Variants in DCAF8L2 observed in about 807,000 individuals in gnomAD.
DCAF8L2 encodes DDB1 and CUL4 associated factor 8 like 2.
For synonymous variants in DCAF8L2, 200 were observed against 190.9 expected, an observed-to-expected ratio of 1.05 and a Z score of -0.39; for missense variants, 430 against 490.7, an observed-to-expected ratio of 0.88 and a Z score of 1.17.
At chrX:27,516,780 T>C in the DCAF8L2 span, among the ~76,000 whole-genome samples, 1 of 112,030 alleles carries the variant, frequency 8.9e-6, no homozygotes, top group African/African-American at 3.2e-5. Context: ...AGAGGTGTAG[T>C]AGTGAGGTAG....
At chrX:27,651,247 T>C (rs1929137081) in intron 2 of DCAF8L2, among the ~76,000 whole-genome samples, 1 of 111,419 alleles carries the variant, frequency 9.0e-6, no homozygotes, top group African/African-American at 3.3e-5. Flanking sequence ...GCTATTGGCC[T>C]GTAGTTTTCC....
intron 1 of DCAF8L2, among the ~76,000 whole-genome samples, chrX:27,599,841 A>G (rs149731849): frequency 0.019 from 2,130 of 112,183 alleles, 20 homozygotes; most frequent in Non-Finnish European, 0.031. Flanking sequence ...CTACAATGAA[A>G]CTATAAACAA....
At chrX:27,548,008 T>C in the DCAF8L2 span, among the ~76,000 whole-genome samples, 1 of 108,772 alleles carries the variant, frequency 9.2e-6, no homozygotes, top group Non-Finnish European at 1.9e-5. Flanking sequence ...GTACAGCCTG[T>C]GGAGCTGTGA....
chrX:27,570,097 G>T, the DCAF8L2 span, among the ~76,000 whole-genome samples: 1 of 110,970 alleles, frequency 9.0e-6, no homozygotes, highest in Non-Finnish European at 1.9e-5. Flanking sequence ...GGAAAAACAG[G>T]TATGCTCAGT....
intron 3 of DCAF8L2, among the ~76,000 whole-genome samples, chrX:27,689,129 CA>C (rs1930616483): frequency 2.7e-5 from 3 of 112,432 alleles, no homozygotes; most frequent in Admixed American, 1.9e-4. Flanking sequence ...AATTTGAAAG[CA>C]CATGTACCTT....
chrX:27,745,826 T>G (rs892901342), intron 4 of DCAF8L2, among the ~76,000 whole-genome samples: 6 of 111,909 alleles, frequency 5.4e-5, no homozygotes, highest in Non-Finnish European at 7.5e-5. Context: ...GTAGAGCTGT[T>G]TTCTGTTCCT....
At chrX:27,724,158 GAATA>G (rs1282540521) in intron 4 of DCAF8L2, among the ~76,000 whole-genome samples, 1 of 110,448 alleles carries the variant, frequency 9.1e-6, no homozygotes, top group African/African-American at 3.3e-5. Flanking sequence ...GTATGATTTT[GAATA>G]AATATATTAT....
At chrX:27,498,475 T>C in the DCAF8L2 span, among the ~76,000 whole-genome samples, 2 of 112,716 alleles carry the variant, frequency 1.8e-5, no homozygotes, top group African/African-American at 6.4e-5. Flanking sequence ...ACATGATGTT[T>C]TGCTGTACAT....
the DCAF8L2 span, among the ~76,000 whole-genome samples, chrX:27,508,554 T>G: frequency 9.2e-6 from 1 of 108,822 alleles, no homozygotes; most frequent in Non-Finnish European, 1.9e-5. Flanking sequence ...TTGTGATTCA[T>G]AAGCACAAAT....
the DCAF8L2 span, among the ~76,000 whole-genome samples, chrX:27,492,962 T>C: frequency 8.9e-6 from 1 of 112,185 alleles, no homozygotes; most frequent in Non-Finnish European, 1.9e-5. Context: ...CCAGGTGCAG[T>C]GTCTCACGCC....
At chrX:27,515,703 G>T in the DCAF8L2 span, among the ~76,000 whole-genome samples, 1 of 112,111 alleles carries the variant, frequency 8.9e-6, no homozygotes, top group African/African-American at 3.2e-5. Context: ...TCAAGCTATG[G>T]TAGTGCACAT....
At chrX:27,687,594 C>T (rs773223497) in intron 3 of DCAF8L2, among the ~76,000 whole-genome samples, 10 of 112,125 alleles carry the variant, frequency 8.9e-5, no homozygotes, top group African/African-American at 3.2e-4. Flanking sequence ...TGGCTCACGC[C>T]TGTAAACTCG....
At chrX:27,615,152 G>C (rs946440268) in intron 1 of DCAF8L2, among the ~76,000 whole-genome samples, 1 of 111,545 alleles carries the variant, frequency 9.0e-6, no homozygotes, top group Admixed American at 9.6e-5. Context: ...GGGAATTGTA[G>C]TGCTGTTACT....
the DCAF8L2 span, among the ~76,000 whole-genome samples, chrX:27,528,023 ATTAAATTAAATTTTTAATTTAATTAATT>A: frequency 2.5e-5 from 1 of 40,083 alleles, no homozygotes; most frequent in African/African-American, 5.4e-5. Flanking sequence ...TTAATTAATT[ATTAAATTAAATTTTTAATTTAATTAATT>A]ATTAAATTAA....
the DCAF8L2 span, among the ~76,000 whole-genome samples, chrX:27,543,598 G>A: frequency 9.0e-6 from 1 of 111,482 alleles, no homozygotes; most frequent in African/African-American, 3.3e-5. Flanking sequence ...TTTGGAATGG[G>A]GGTCTTACAA....
rs905694823 is a variant in DCAF8L2 at position 27,707,312 on chromosome X, A to G, written c.-142-8776A>G. ...CAATCATCCTGTTTAAAAATAAATAATGTGCATATTGTAGTTTTTAGGGAT... is the reference window on the plus strand; with the variant it reads ...CAATCATCCTGTTTAAAAATAAATAGTGTGCATATTGTAGTTTTTAGGGAT... On this transcript the variant is annotated intron_variant, in intron 3 of 4. Coordinates refer to ENST00000451261, the MANE Select transcript of DCAF8L2 (RefSeq NM_001353450.2). 6.2e-4 allele frequency among the ~76,000 whole-genome samples: 69 copies of G among 112,032 alleles called. 1 individual carries two copies. Among genetic ancestry groups the G allele is most frequent in the African/African-American group, 2.2e-3 (67 of 30,824 alleles).
the DCAF8L2 span, among the ~76,000 whole-genome samples, chrX:27,535,290 C>T: frequency 8.9e-6 from 1 of 111,904 alleles, no homozygotes; most frequent in Non-Finnish European, 1.9e-5. Context: ...TCAAAGAACA[C>T]ATCTATTTAT....
rs947573373 is a variant in DCAF8L2 at position 27,595,943 on chromosome X, T to C, written c.-342+5503T>C. Among the ~76,000 whole-genome samples, 65 of 111,597 alleles carry C rather than the reference T, an allele frequency of 5.8e-4. 1 individual carries two copies. Among genetic ancestry groups the C allele is most frequent in the African/African-American group, 1.9e-3 (59 of 30,740 alleles). On this transcript the variant is annotated intron_variant, in intron 1 of 4. Transcript: ENST00000451261. The stretch of plus-strand genomic sequence containing the variant: ...TACTCGGGAGGCTGAGGCAGGAGGA[T>C]CATTGAACCCAGGAAGCAGAGGTTG...
At chrX:27,743,893 C>T (rs1027490582) in intron 4 of DCAF8L2, among the ~76,000 whole-genome samples, 5 of 107,845 alleles carry the variant, frequency 4.6e-5, no homozygotes, top group East Asian at 2.9e-4. Context: ...CCACCATATC[C>T]GGCTAATTTT....
Sources: allele counts gnomAD v4.1 joint callset (sites outside exome capture counted in the v4.1 genomes callset), GRCh38; gene constraint gnomAD v4.1.1; transcripts MANE v1.5; gene names NCBI Gene and HGNC (gene_info 2026-07-23, HGNC 2026-07-21).